The following ZBTB16 variants were observed in gnomAD, a reference collection of about 807,000 sequenced individuals.
ZBTB16 encodes zinc finger and BTB domain containing 16, also known as zinc finger and BTB domain-containing protein 16.
Under a neutral mutation model 56.8 loss-of-function variants are expected in ZBTB16, and 8 were observed. The ratio of observed to expected loss-of-function variants is 0.14; its 90% CI spans 0.08 to 0.25. The LOEUF (loss-of-function observed/expected upper bound fraction) is 0.25, where lower values mean the gene tolerates loss of function less well. Among genes scored for constraint, ZBTB16 ranks in the 10% least tolerant of loss-of-function variants. ZBTB16 has a pLI of 1.00. For missense variants in ZBTB16, 625 were observed against 903.0 expected (o/e 0.69, Z 3.95); for synonymous variants, 363 against 368.5 (o/e 0.98, Z 0.17).
chr11:114,122,391 T>C lies in ZBTB16; in HGVS notation c.1269-33946T>C, dbSNP rs571416342. 2.6e-5 allele frequency among the ~76,000 whole-genome samples: 4 copies of C among 152,308 alleles called. No homozygotes were observed. In the East Asian group the frequency reaches 7.7e-4, roughly 29 times the overall value. ...ATTTACTGTGGGGGTAGGTGGCTAA[T>C]AAACAGAGAGAAGACACTGGCTTGG... is the stretch of plus-strand genomic sequence containing the variant. On this transcript the variant is annotated intron_variant, in intron 2 of 6. Transcript: ENST00000335953.
At chr11:114,244,513 T>G (rs1944776874) in intron 5 of ZBTB16, among the ~76,000 whole-genome samples, 1 of 152,190 alleles carries the variant, frequency 6.6e-6, no homozygotes, top group South Asian at 2.1e-4. Context: ...GCAGCCAGTT[T>G]TGTGTACATT....
chr11:114,105,375 G>T (rs1252077702), intron 2 of ZBTB16, among the ~76,000 whole-genome samples: 7 of 151,968 alleles, frequency 4.6e-5, no homozygotes, highest in Non-Finnish European at 8.8e-5. Flanking sequence ...CAAGTAGCTG[G>T]GACTACAGGC....
chr11:114,117,026 T>C (rs557741836), intron 2 of ZBTB16, among the ~76,000 whole-genome samples: 1 of 152,260 alleles, frequency 6.6e-6, no homozygotes, highest in South Asian at 2.1e-4. Flanking sequence ...TGGGAGGGGC[T>C]ATAGATAAGG....
Position 114,078,749 on chromosome 11 carries a change from G to A in ZBTB16, c.1268+14181G>A, listed in dbSNP as rs189502015. ...GGAGACTTTCTAGGAGGGGGCGGGCGTGGTATTTTCTAGGGACAGTATGGA... is the reference window on the plus strand; with the variant it reads ...GGAGACTTTCTAGGAGGGGGCGGGCATGGTATTTTCTAGGGACAGTATGGA... On this transcript the variant is annotated intron_variant, in intron 2 of 6. Transcript: ENST00000335953. Among the ~76,000 whole-genome samples, 227 of 152,194 alleles carry A rather than the reference G, an allele frequency of 1.5e-3. 2 individuals carry two copies. Among genetic ancestry groups the A allele is most frequent in the South Asian group, 4.1e-4 (2 of 4,822 alleles).
At chr11:114,070,159 A>T (rs1387582637) in intron 2 of ZBTB16, among the ~76,000 whole-genome samples, 1 of 123,322 alleles carries the variant, frequency 8.1e-6, no homozygotes, top group African/African-American at 3.2e-5. Context: ...CGGACTGCGG[A>T]CTGCAGTGGC....
intron 2 of ZBTB16, among the ~76,000 whole-genome samples, chr11:114,092,417 G>C (rs779539751): frequency 6.6e-6 from 1 of 152,156 alleles, no homozygotes; most frequent in Non-Finnish European, 1.5e-5. Context: ...ACACTGCCTC[G>C]ATCCTCTTGT....
intron 3 of ZBTB16, among the ~76,000 whole-genome samples, chr11:114,179,442 A>G (rs1160810674): frequency 3.3e-5 from 5 of 152,148 alleles, no homozygotes; most frequent in Admixed American, 2.6e-4. Context: ...GCCTGTTGTA[A>G]AATGCCCTGC....
chr11:114,164,207 A>G (rs978171155), intron 3 of ZBTB16, among the ~76,000 whole-genome samples: 3 of 152,286 alleles, frequency 2.0e-5, no homozygotes, highest in Non-Finnish European at 4.4e-5. Context: ...AGCCTGTCAG[A>G]TAGAACATTA....
intron 4 of ZBTB16, among the ~76,000 whole-genome samples, chr11:114,234,664 G>T (rs401479): frequency 0.6 from 90,811 of 152,080 alleles, 28,711 homozygotes; most frequent in South Asian, 0.73. Context: ...GATAGCACAG[G>T]GGAAGTCAAA....
At chr11:114,153,901 C>T (rs1015903687) in intron 2 of ZBTB16, among the ~76,000 whole-genome samples, 7 of 152,142 alleles carry the variant, frequency 4.6e-5, no homozygotes, top group East Asian at 1.9e-4. Context: ...GGTTAATGGC[C>T]GAGTCAGGTG....
chr11:114,214,093 C>T (rs1179138093), intron 4 of ZBTB16, among the ~76,000 whole-genome samples: 1 of 152,126 alleles, frequency 6.6e-6, no homozygotes, highest in Non-Finnish European at 1.5e-5. Context: ...AGATGCCAGC[C>T]TGGGTGGTGC....
rs79442268 is a variant in ZBTB16 at position 114,123,141 on chromosome 11, A to G, written c.1269-33196A>G. ...ATCAGAGACCCACCCTTAGGACCGC[A>G]TTTAACCTTAATTACTTCCTTACGG... On this transcript the variant is annotated intron_variant, in intron 2 of 6. Coordinates refer to ENST00000335953, the MANE Select transcript of ZBTB16 (RefSeq NM_006006.6). Among the ~76,000 whole-genome samples, 669 of 152,274 alleles carry G rather than the reference A, an allele frequency of 4.4e-3. 12 individuals carry two copies. Among genetic ancestry groups the G allele is most frequent in the African/African-American group, 0.015 (622 of 41,546 alleles).
At chr11:114,163,288 T>G (rs1942646199) in intron 3 of ZBTB16, among the ~76,000 whole-genome samples, 1 of 148,422 alleles carries the variant, frequency 6.7e-6, no homozygotes, top group Non-Finnish European at 1.5e-5. Context: ...TTAGCTCCTG[T>G]TTTGGCTGGG....
chr11:114,126,445 G>A (rs958195890), intron 2 of ZBTB16, among the ~76,000 whole-genome samples: 1 of 152,180 alleles, frequency 6.6e-6, no homozygotes, highest in Admixed American at 6.5e-5. Context: ...ATAGATCTGG[G>A]CCAGCCTGTT....
At chr11:114,152,791 T>TCC (rs761769668) in intron 2 of ZBTB16, among the ~76,000 whole-genome samples, 1 of 152,210 alleles carries the variant, frequency 6.6e-6, no homozygotes, top group Non-Finnish European at 1.5e-5. Flanking sequence ...TGCAAAAATG[T>TCC]CCCCAGATGT....
chr11:114,080,369 T>C (rs1360676964), intron 2 of ZBTB16, among the ~76,000 whole-genome samples: 1 of 152,154 alleles, frequency 6.6e-6, no homozygotes, highest in Non-Finnish European at 1.5e-5. Flanking sequence ...GATTGTCTGT[T>C]GGACTCGGCT....
chr11:114,240,775 C>T (rs1944686284), intron 4 of ZBTB16, among the ~76,000 whole-genome samples: 1 of 152,136 alleles, frequency 6.6e-6, no homozygotes, highest in Non-Finnish European at 1.5e-5. Context: ...AAATGGCAGC[C>T]TGTATGTGTG....
At chr11:114,100,997 GGTTTGTTTGTTT>G (rs1162025949) in intron 2 of ZBTB16, among the ~76,000 whole-genome samples, 1 of 151,824 alleles carries the variant, frequency 6.6e-6, no homozygotes. Flanking sequence ...GTTGCAAGCT[GGTTTGTTTGTTT>G]GTTTGTTTTG....
intron 2 of ZBTB16, among the ~76,000 whole-genome samples, chr11:114,095,239 T>C (rs944664207): frequency 3.2e-5 from 3 of 92,686 alleles, no homozygotes; most frequent in African/African-American, 1.4e-4. Context: ...TCTTTTCTTT[T>C]CTTTTCTTTT....
Sources: gnomAD v4.1 joint callset for allele counts (sites outside exome capture counted in the v4.1 genomes callset) on GRCh38, gnomAD v4.1.1 for gene constraint, MANE v1.5 for transcripts, NCBI Gene and HGNC (gene_info 2026-07-23, HGNC 2026-07-21) for gene names.